The following C2orf80 variants were observed in gnomAD, a reference collection of about 807,000 sequenced individuals.
C2orf80 encodes the protein uncharacterized protein C2orf80.
Under a neutral mutation model 30.2 loss-of-function variants are expected in C2orf80, and 28 were observed. That is an observed-to-expected ratio of 0.93 (90% CI 0.69 to 1.27). The LOEUF (loss-of-function observed/expected upper bound fraction) is 1.27, where lower values mean the gene tolerates loss of function less well. Ranked by LOEUF, C2orf80 falls within the 50% of genes most tolerant of loss-of-function variation. C2orf80 has a pLI of 0.00. For missense variants in C2orf80, 220 were observed against 231.0 expected (o/e 0.95, Z 0.31); for synonymous variants, 80 against 76.4 (o/e 1.05, Z -0.24).
At chr2:208,172,892 G>A (rs1214968488) in intron 6 of C2orf80, among the ~76,000 whole-genome samples, 2 of 151,962 alleles carry the variant, frequency 1.3e-5, no homozygotes, top group Admixed American at 6.6e-5. Flanking sequence ...TGAGGCGGGT[G>A]AATCATCTGA....
intron 4 of C2orf80, among the ~76,000 whole-genome samples, chr2:208,181,813 A>T (rs376303079): frequency 1.2e-4 from 19 of 152,254 alleles, no homozygotes; most frequent in African/African-American, 3.1e-4. Context: ...ATTAAAAAAA[A>T]ATATATCCAC....
chr2:208,174,779 C>T (rs552730869), intron 6 of C2orf80, among the ~76,000 whole-genome samples: 3 of 152,292 alleles, frequency 2.0e-5, no homozygotes, highest in South Asian at 2.1e-4. Flanking sequence ...GCCAGTCAGA[C>T]GCCGGGGTCC....
At chr2:208,183,307 A>C (rs920067913) in intron 3 of C2orf80, among the ~76,000 whole-genome samples, 2 of 109,652 alleles carry the variant, frequency 1.8e-5, no homozygotes, top group African/African-American at 6.0e-5. Context: ...CAGTTATCTG[A>C]TTTCTGTGAT....
At chr2:208,185,054 T>C (rs1232318992) in intron 2 of C2orf80, 22 bp from the exon 3 acceptor site, 1 of 1,595,952 alleles carries the variant, frequency 6.3e-7, no homozygotes, top group Non-Finnish European at 8.6e-7. Flanking sequence ...GAGAGCAGCA[T>C]TGAACCATTG....
chr2:208,175,606 A>G (rs1696262809), intron 6 of C2orf80, among the ~76,000 whole-genome samples: 1 of 152,178 alleles, frequency 6.6e-6, no homozygotes, highest in African/African-American at 2.4e-5. Flanking sequence ...AATTCTTCAT[A>G]ATCTGATTAG....
Position 208,176,857 on chromosome 2 carries a change from T to G in C2orf80, c.366+3888A>C, listed in dbSNP as rs142251432. Among the ~76,000 whole-genome samples the G allele has an allele frequency of 5.8e-3, 302 of 51,634 alleles. 4 individuals are homozygous for G. The East Asian group carries it at 0.18, about 31-fold the overall frequency. 33.9% of individuals were successfully genotyped at this position (51,634 alleles called of 152,430 possible). ...CTGCCTCTCAGATAATATATCTATA[T>G]ATATACTATATATACATATGTATAC... On this transcript the variant is annotated intron_variant, in intron 6 of 8. Coordinates refer to ENST00000341287, the MANE Select transcript of C2orf80 (RefSeq NM_001099334.3).
chr2:208,171,872 A>T, intron 7 of C2orf80, 116 bp downstream of exon 7: 1 of 903,078 alleles, frequency 1.1e-6, no homozygotes, highest in Non-Finnish European at 1.9e-6. Context: ...TTTTAAATTC[A>T]ACCAGACATA....
In C2orf80 at chr2:208,171,536, G is replaced by T. The variant is rs972053706; in HGVS notation, c.454+452C>A. Among the ~76,000 whole-genome samples, 6 of 152,186 alleles carry T rather than the reference G, an allele frequency of 3.9e-5. No individual in the cohort carries two copies. The East Asian group carries it at 1.2e-3, about 29-fold the overall frequency. On this transcript the variant is annotated intron_variant, in intron 7 of 8. Coordinates refer to ENST00000341287, the MANE Select transcript of C2orf80 (RefSeq NM_001099334.3). ...GGGTTTCACCGTGTTGGCCAGGCTG[G>T]TCTCAAACTCCTGAACTCAGGTGAT...
chr2:208,172,126 G>A, intron 6 of C2orf80, 51 bp from the exon 7 acceptor site: 5 of 1,363,258 alleles, frequency 3.7e-6, no homozygotes, highest in Non-Finnish European at 5.3e-6. Context: ...TCTGCGGCAT[G>A]AACACCTGCT....
At chr2:208,173,144 A>AAAAAC (rs1553596267) in intron 6 of C2orf80, among the ~76,000 whole-genome samples, 1 of 131,340 alleles carries the variant, frequency 7.6e-6, no homozygotes, top group Non-Finnish European at 1.6e-5. Flanking sequence ...AAAAAAAAAA[A>AAAAAC]CTCAAGTGCC....
chr2:208,186,446 A>T (rs1447751510), intron 2 of C2orf80, among the ~76,000 whole-genome samples: 2 of 152,216 alleles, frequency 1.3e-5, no homozygotes, highest in Admixed American at 1.3e-4. Flanking sequence ...GGAGGAAAAC[A>T]TTTCTTTCAC....
intron 3 of C2orf80, among the ~76,000 whole-genome samples, chr2:208,183,248 G>T (rs534570414): frequency 6.7e-6 from 1 of 150,100 alleles, no homozygotes; most frequent in Non-Finnish European, 1.5e-5. Context: ...GGATGAATCA[G>T]CCAGAAATAT....
intron 3 of C2orf80, 128 bp downstream of exon 3, chr2:208,184,823 G>A: frequency 1.6e-6 from 1 of 632,094 alleles, no homozygotes; most frequent in Non-Finnish European, 2.7e-6. Context: ...AGGGGAAGAT[G>A]AGGAAGAGGA....
chr2:208,188,986 T>A (rs1268669766), intron 1 of C2orf80, among the ~76,000 whole-genome samples: 1 of 152,202 alleles, frequency 6.6e-6, no homozygotes, highest in Non-Finnish European at 1.5e-5. Context: ...CACTCATTGA[T>A]GTGGCTGTGC....
At position 208,165,509 on chromosome 2, in the gene C2orf80, T is replaced by C. The variant is rs1187493443; in HGVS notation, c.*298A>G. ...TATTCAATGCCACACATTTGTAAAA[T>C]GTGCTACAAAGCCAGCTTGCTCTAA... On this transcript the variant is annotated 3_prime_UTR_variant, in exon 9 of 9. Coordinates refer to ENST00000341287, the MANE Select transcript of C2orf80 (RefSeq NM_001099334.3). 2 of 298,260 alleles carry C rather than the reference T, an allele frequency of 6.7e-6. No homozygotes were observed. The highest frequency in any genetic ancestry group is 1.2e-5 in the Non-Finnish European group (2 of 160,076). The allele number at this position is 298,260 out of a possible 1,614,324, so 18.5% of individuals were successfully genotyped here.
intron 8 of C2orf80, among the ~76,000 whole-genome samples, chr2:208,169,921 A>G (rs577407462): frequency 3.9e-5 from 6 of 152,180 alleles, no homozygotes; most frequent in Admixed American, 1.3e-4. Context: ...TGATAAGGTT[A>G]CATTTCTAAT....
intron 6 of C2orf80, among the ~76,000 whole-genome samples, chr2:208,176,658 T>G (rs1328425246): frequency 2.0e-5 from 3 of 152,020 alleles, no homozygotes; most frequent in Non-Finnish European, 4.4e-5. Flanking sequence ...TCACTGATTC[T>G]AACTTACTTC....
At position 208,189,975 on chromosome 2, in the gene C2orf80, C is replaced by T; in HGVS notation, c.-98G>A. 1 of 702,978 alleles carries T rather than the reference C, an allele frequency of 1.4e-6. No homozygotes were observed. 43.5% of individuals were successfully genotyped at this position (702,978 alleles called of 1,614,324 possible). On this transcript the variant is annotated 5_prime_UTR_variant, in exon 1 of 9. Coordinates refer to ENST00000341287, the MANE Select transcript of C2orf80 (RefSeq NM_001099334.3). ...CACCAACCGGAGACCGGTTCCAGTG[C>T]TTTTGTTCTTTCTCTGCTTCTGGAG...
intron 1 of C2orf80, among the ~76,000 whole-genome samples, 193 bp from the exon 2 acceptor site, chr2:208,187,254 T>G (rs139369842): frequency 6.6e-6 from 1 of 152,326 alleles, no homozygotes; most frequent in East Asian, 1.9e-4. Flanking sequence ...CTTTTATTCC[T>G]TCCAAATTTT....
Sources: gnomAD v4.1 joint callset for allele counts (sites outside exome capture counted in the v4.1 genomes callset) on GRCh38, gnomAD v4.1.1 for gene constraint, MANE v1.5 for transcripts, NCBI Gene and HGNC (gene_info 2026-07-23, HGNC 2026-07-21) for gene names.